Variants in WWOX observed in about 807,000 individuals in gnomAD.
The protein encoded by WWOX is WW domain containing oxidoreductase.
WWOX carries 69 observed loss-of-function variants against 46.2 expected under a neutral mutation model. That is an observed-to-expected ratio of 1.49 (90% CI 1.23 to 1.82). The LOEUF is 1.82. WWOX is among the 40% of genes most tolerant of loss of function. WWOX has a pLI of 0.00. For missense variants in WWOX, 919 were observed against 542.6 expected, an observed-to-expected ratio of 1.69 and a Z score of -6.89; for synonymous variants, 359 against 202.6, an observed-to-expected ratio of 1.77 and a Z score of -6.56.
At chr16:78,872,897 A>C (rs1336396515) in intron 8 of WWOX, 1 of 152,300 alleles carries the variant, frequency 6.6e-6, no homozygotes, top group African/African-American at 2.4e-5. Flanking sequence ...TCCAGGGCTC[A>C]AGCAGTCCTC....
intron 8 of WWOX, among the ~76,000 whole-genome samples, chr16:79,128,137 A>T (rs1391917585): frequency 6.6e-6 from 1 of 152,182 alleles, no homozygotes; most frequent in African/African-American, 2.4e-5. Flanking sequence ...AGAGAAGAAG[A>T]GATTTAAGAA....
chr16:78,684,069 A>G (rs544115125), intron 8 of WWOX, among the ~76,000 whole-genome samples: 3 of 152,128 alleles, frequency 2.0e-5, no homozygotes, highest in South Asian at 2.1e-4. Flanking sequence ...TGGCTCGCAC[A>G]TGCTTCCTTT....
At chr16:79,086,519 A>G (rs1055289778) in intron 8 of WWOX, among the ~76,000 whole-genome samples, 4 of 152,212 alleles carry the variant, frequency 2.6e-5, no homozygotes, top group South Asian at 2.1e-4. Context: ...AGTACTATCC[A>G]AATTCTAAAG....
At chr16:78,370,547 C>A (rs1232136640) in intron 5 of WWOX, among the ~76,000 whole-genome samples, 1 of 151,644 alleles carries the variant, frequency 6.6e-6, no homozygotes. Context: ...TTCTTCTGTT[C>A]TGTTCTTAAA....
intron 4 of WWOX, among the ~76,000 whole-genome samples, chr16:78,142,954 A>G (rs552707084): frequency 3.3e-5 from 5 of 152,370 alleles, no homozygotes; most frequent in African/African-American, 1.2e-4. Flanking sequence ...TCAACATATT[A>G]GTCATCTTAA....
chr16:79,046,260 T>A (rs2048063811), intron 8 of WWOX, among the ~76,000 whole-genome samples: 1 of 152,220 alleles, frequency 6.6e-6, no homozygotes, highest in South Asian at 2.1e-4. Flanking sequence ...AACTCCCTTT[T>A]TTCCCTTGAA....
intron 5 of WWOX, among the ~76,000 whole-genome samples, chr16:78,191,538 A>G (rs543736386): frequency 3.3e-5 from 5 of 152,336 alleles, no homozygotes; most frequent in South Asian, 2.1e-4. Flanking sequence ...TGTTTTGTAC[A>G]TATTATATAT....
chr16:78,118,237 C>T (rs905397798), intron 4 of WWOX, among the ~76,000 whole-genome samples: 7 of 151,654 alleles, frequency 4.6e-5, no homozygotes, highest in African/African-American at 1.2e-4. Context: ...GTAAGTGATA[C>T]GGAGCTGTAT....
chr16:78,135,367 C>G (rs1489943899), intron 4 of WWOX, among the ~76,000 whole-genome samples: 2 of 152,176 alleles, frequency 1.3e-5, no homozygotes, highest in Non-Finnish European at 2.9e-5. Flanking sequence ...CCTTGAATGT[C>G]TAATAGAGTC....
In WWOX at chr16:78,612,382, C is replaced by T. The variant is rs192074671; in HGVS notation, c.1056+179630C>T. On this transcript the variant is annotated intron_variant, in intron 8 of 8. Transcript: ENST00000566780. Reference sequence around the variant, plus strand: ...CCTATGAAGGAGGGCCCATCTCTTACGGCAGGCAGCGTGGCGTAGGCCTCA... The same window carrying T: ...CCTATGAAGGAGGGCCCATCTCTTATGGCAGGCAGCGTGGCGTAGGCCTCA... Among the ~76,000 whole-genome samples the T allele has an allele frequency of 2.3e-3, 358 of 152,348 alleles. 1 individual carries two copies. Among genetic ancestry groups the T allele is most frequent in the Non-Finnish European group, 3.5e-3 (240 of 68,026 alleles).
At chr16:78,786,981 C>G (rs926874163) in intron 8 of WWOX, among the ~76,000 whole-genome samples, 4 of 152,118 alleles carry the variant, frequency 2.6e-5, no homozygotes, top group South Asian at 2.1e-4. Flanking sequence ...AACCCTGTCT[C>G]TACTAAAAAT....
At chr16:78,908,340 G>A (rs1407989617) in intron 8 of WWOX, among the ~76,000 whole-genome samples, 2 of 152,122 alleles carry the variant, frequency 1.3e-5, no homozygotes, top group Admixed American at 6.5e-5. Flanking sequence ...AGGAGTTTGA[G>A]ACCATCCTGG....
In WWOX at chr16:78,148,023, G is replaced by T. The variant is rs1172219823; in HGVS notation, c.410-16160G>T. ...AAAGAACCCTGTCTCGAGCAGACGA[G>T]AAAGAGTAACGGAGGCCTCAATGGT... On this transcript the variant is annotated intron_variant, in intron 4 of 8. Coordinates refer to ENST00000566780, the MANE Select transcript of WWOX (RefSeq NM_016373.4). 2.0e-5 allele frequency among the ~76,000 whole-genome samples: 3 copies of T among 152,160 alleles called. No individual in the cohort carries two copies. The South Asian group carries it at 6.2e-4, about 32-fold the overall frequency.
chr16:78,869,403 ATTC>A (rs2044077640), intron 8 of WWOX, among the ~76,000 whole-genome samples: 1 of 152,188 alleles, frequency 6.6e-6, no homozygotes, highest in South Asian at 2.1e-4. Context: ...TATGGATTCT[ATTC>A]TTATTTGGCA....
chr16:78,790,254 C>A (rs1472495741), intron 8 of WWOX, among the ~76,000 whole-genome samples: 1 of 152,144 alleles, frequency 6.6e-6, no homozygotes, highest in Non-Finnish European at 1.5e-5. Context: ...CCTGCCTCAG[C>A]CTCCCTAGTA....
intron 5 of WWOX, among the ~76,000 whole-genome samples, chr16:78,176,578 T>C (rs2035354801): frequency 6.6e-6 from 1 of 152,228 alleles, no homozygotes; most frequent in South Asian, 2.1e-4. Context: ...TTTGTTGTTG[T>C]TTATTGAGAG....
intron 5 of WWOX, among the ~76,000 whole-genome samples, chr16:78,363,209 G>A (rs2081450676): frequency 6.6e-6 from 1 of 152,044 alleles, no homozygotes; most frequent in Non-Finnish European, 1.5e-5. Flanking sequence ...GGCTTTAAAT[G>A]TATTCCTGTC....
At chr16:79,134,480 G>C in intron 8 of WWOX, among the ~76,000 whole-genome samples, 1 of 152,170 alleles carries the variant, frequency 6.6e-6, no homozygotes, top group Non-Finnish European at 1.5e-5. Flanking sequence ...ATGAGGTCGA[G>C]GTCATTGTGC....
chr16:78,101,438 C>T (rs1023858568), intron 1 of WWOX, among the ~76,000 whole-genome samples: 1 of 149,026 alleles, frequency 6.7e-6, no homozygotes, highest in African/African-American at 2.5e-5. Context: ...CCTCTGCATG[C>T]CGAGTTCAAG....
Sources: gnomAD v4.1 joint callset for allele counts (sites outside exome capture counted in the v4.1 genomes callset) on GRCh38, gnomAD v4.1.1 for gene constraint, MANE v1.5 for transcripts, NCBI Gene and HGNC (gene_info 2026-07-23, HGNC 2026-07-21) for gene names.